BBS9: variants seen among roughly 807,000 people sequenced by gnomAD.
BBS9 encodes protein PTHB1.
A neutral mutation model predicts 117.7 loss-of-function variants in BBS9; 89 were observed. That is an observed-to-expected ratio of 0.76 (90% CI 0.64 to 0.90). BBS9 has a LOEUF of 0.90. BBS9 is among the 40% of genes least tolerant of loss of function. The pLI is 0.00. For missense variants in BBS9, 982 were observed against 1,042.2 expected, an observed-to-expected ratio of 0.94 and a Z score of 0.80; for synonymous variants, 379 against 370.9, an observed-to-expected ratio of 1.02 and a Z score of -0.25.
chr7:33,557,985 G>T lies in BBS9; in HGVS notation c.2521+23809G>T, dbSNP rs1430998456. Among the ~76,000 whole-genome samples, 3 of 152,324 alleles carry T rather than the reference G, an allele frequency of 2.0e-5. No individual in the cohort carries two copies. In the East Asian group the frequency reaches 5.8e-4, roughly 29 times the overall value. On this transcript the variant is annotated intron_variant, in intron 21 of 22. Coordinates refer to ENST00000242067, the MANE Select transcript of BBS9 (RefSeq NM_198428.3). The stretch of plus-strand genomic sequence containing the variant: ...GTAGCTTACGTAGAGCCCTTTGATG[G>T]CTCATGAAGTCAGTTCATAGAAAGA...
chr7:33,268,451 C>T (rs1178133672), intron 7 of BBS9, among the ~76,000 whole-genome samples: 1 of 152,192 alleles, frequency 6.6e-6, no homozygotes, highest in Admixed American at 6.5e-5. Flanking sequence ...CCTAGAAACT[C>T]TTTCAAGGCT....
At chr7:33,201,358 T>A (rs1330240334) in intron 5 of BBS9, among the ~76,000 whole-genome samples, 1 of 152,152 alleles carries the variant, frequency 6.6e-6, no homozygotes, top group African/African-American at 2.4e-5. Flanking sequence ...TTCCATAGAC[T>A]TTTTATTTTT....
At chr7:33,521,897 T>G (rs1255126681) in intron 20 of BBS9, among the ~76,000 whole-genome samples, 3 of 63,094 alleles carry the variant, frequency 4.8e-5, no homozygotes, top group Non-Finnish European at 8.6e-5. Flanking sequence ...CCCTCCCCCC[T>G]CCCCCCACCC....
chr7:33,360,020 T>C (rs752037172), intron 16 of BBS9, among the ~76,000 whole-genome samples: 2 of 152,146 alleles, frequency 1.3e-5, no homozygotes, highest in Non-Finnish European at 2.9e-5. Context: ...AGAATTTCAC[T>C]TGTCATTCTG....
chr7:33,426,207 G>A (rs1394674832), intron 19 of BBS9, among the ~76,000 whole-genome samples: 3 of 152,120 alleles, frequency 2.0e-5, no homozygotes, highest in Non-Finnish European at 4.4e-5. Flanking sequence ...ACAACAAAGA[G>A]GGTTCTGTAA....
chr7:33,257,600 G>A (rs377536155), intron 6 of BBS9, among the ~76,000 whole-genome samples, 190 bp downstream of exon 6: 3 of 152,244 alleles, frequency 2.0e-5, no homozygotes, highest in East Asian at 3.9e-4. Context: ...ATAGTGCAGT[G>A]GTTTGGGAGG....
chr7:33,560,059 A>G (rs1157648494), intron 21 of BBS9, among the ~76,000 whole-genome samples: 1 of 152,058 alleles, frequency 6.6e-6, no homozygotes, highest in African/African-American at 2.4e-5. Context: ...CAGATACCGT[A>G]TCTGGGATTG....
At chr7:33,461,599 A>T (rs1419920) in intron 19 of BBS9, among the ~76,000 whole-genome samples, 1 of 151,732 alleles carries the variant, frequency 6.6e-6, no homozygotes. Context: ...TCCCTAAGAT[A>T]GCAGAAGTCA....
chr7:33,547,151 G>C (rs1853530783), intron 21 of BBS9, among the ~76,000 whole-genome samples: 1 of 152,178 alleles, frequency 6.6e-6, no homozygotes. Context: ...GGGGCAAGAA[G>C]AGGACTCTGT....
intron 7 of BBS9, among the ~76,000 whole-genome samples, chr7:33,271,255 A>G (rs1799741020): frequency 6.6e-6 from 1 of 152,218 alleles, no homozygotes; most frequent in Non-Finnish European, 1.5e-5. Flanking sequence ...CAATACAAAA[A>G]ACACTTAAAT....
intron 19 of BBS9, among the ~76,000 whole-genome samples, chr7:33,411,304 G>A (rs945667193): frequency 7.2e-5 from 11 of 152,084 alleles, no homozygotes; most frequent in Non-Finnish European, 1.5e-4. Context: ...ATCAAGTTCA[G>A]TCATGAGTAG....
At chr7:33,427,862 C>G (rs1367530395) in intron 19 of BBS9, among the ~76,000 whole-genome samples, 1 of 152,118 alleles carries the variant, frequency 6.6e-6, no homozygotes, top group Non-Finnish European at 1.5e-5. Context: ...CTTATTTAAT[C>G]CTCATAATGA....
intron 19 of BBS9, among the ~76,000 whole-genome samples, chr7:33,427,680 C>T (rs748708051): frequency 8.5e-5 from 13 of 152,156 alleles, no homozygotes; most frequent in Non-Finnish European, 1.0e-4. Flanking sequence ...GCAGTTTACA[C>T]GGGTTTTCTG....
intron 20 of BBS9, among the ~76,000 whole-genome samples, chr7:33,511,386 C>T (rs1022962396): frequency 2.2e-4 from 34 of 152,130 alleles, no homozygotes; most frequent in Admixed American, 4.6e-4. Flanking sequence ...TCACCTGACT[C>T]CAGAGGAATC....
chr7:33,401,782 G>T (rs1021886869), intron 19 of BBS9, among the ~76,000 whole-genome samples: 2 of 152,150 alleles, frequency 1.3e-5, no homozygotes, highest in African/African-American at 4.8e-5. Context: ...AGTTGATTCT[G>T]TCTAGAAAAA....
chr7:33,555,238 G>A (rs1486100248), intron 21 of BBS9, among the ~76,000 whole-genome samples: 1 of 152,158 alleles, frequency 6.6e-6, no homozygotes, highest in Non-Finnish European at 1.5e-5. Context: ...CAAGCTTCTT[G>A]TTTTAGGTCC....
chr7:33,524,862 T>C (rs2129047364), intron 20 of BBS9, among the ~76,000 whole-genome samples: 1 of 152,348 alleles, frequency 6.6e-6, no homozygotes, highest in South Asian at 2.1e-4. Flanking sequence ...TTTGGATCTT[T>C]CCTGCTTTCT....
intron 9 of BBS9, among the ~76,000 whole-genome samples, chr7:33,305,529 T>C (rs1378047264): frequency 6.6e-6 from 1 of 152,204 alleles, no homozygotes; most frequent in African/African-American, 2.4e-5. Context: ...AGTAAAGTCA[T>C]CGTGTCCCAG....
At chr7:33,348,680 A>C (rs1247284836) in intron 12 of BBS9, among the ~76,000 whole-genome samples, 2 of 152,154 alleles carry the variant, frequency 1.3e-5, no homozygotes, top group Non-Finnish European at 2.9e-5. Flanking sequence ...TTTCACTGGC[A>C]ATATATGAGG....
Sources: gnomAD v4.1 joint callset for allele counts (sites outside exome capture counted in the v4.1 genomes callset) on GRCh38, gnomAD v4.1.1 for gene constraint, MANE v1.5 for transcripts, NCBI Gene and HGNC (gene_info 2026-07-23, HGNC 2026-07-21) for gene names.